ARHGAP8: variants seen among roughly 807,000 people sequenced by gnomAD.
ARHGAP8 encodes the protein Rho GTPase activating protein 8.
In ARHGAP8, 62 loss-of-function variants were observed where a neutral mutation model predicts 46.1. That is an observed-to-expected ratio of 1.34 (90% CI 1.10 to 1.66). ARHGAP8 has a LOEUF of 1.66. Among genes scored for constraint, ARHGAP8 ranks in the 40% most tolerant of loss-of-function variants. The probability of loss-of-function intolerance (pLI) is 0.00; values close to 1 mark genes in which losing one functional copy is unlikely to be tolerated. For synonymous variants in ARHGAP8, 375 were observed against 243.1 expected (o/e 1.54, Z -5.05); for missense variants, 923 against 568.4 (o/e 1.62, Z -6.34).
intron 7 of ARHGAP8, among the ~76,000 whole-genome samples, chr22:44,843,297 A>T (rs1199684172): frequency 6.6e-6 from 1 of 152,228 alleles, no homozygotes; most frequent in Non-Finnish European, 1.5e-5. Flanking sequence ...TTTCAGCAGA[A>T]CTACACTATA....
chr22:44,814,048 T>C (rs1929559737), intron 4 of ARHGAP8, among the ~76,000 whole-genome samples: 1 of 152,156 alleles, frequency 6.6e-6, no homozygotes, highest in South Asian at 2.1e-4. Context: ...AGCCCTGGCA[T>C]GTCCTCTGCC....
intron 1 of ARHGAP8, among the ~76,000 whole-genome samples, chr22:44,779,788 C>T (rs954727200): frequency 2.6e-5 from 4 of 151,960 alleles, no homozygotes; most frequent in African/African-American, 9.7e-5. Flanking sequence ...AGGCTGGTCT[C>T]GAACTCCTGA....
chr22:44,763,419 C>T (rs1300409731), intron 1 of ARHGAP8, among the ~76,000 whole-genome samples: 1 of 147,602 alleles, frequency 6.8e-6, no homozygotes, highest in Non-Finnish European at 1.5e-5. Flanking sequence ...ATCACTTGAA[C>T]CTGGGAGGCA....
At chr22:44,799,973 TTGTGGGGTGGGGCAA>T (rs936130476) in intron 2 of ARHGAP8, among the ~76,000 whole-genome samples, 20 of 104,150 alleles carry the variant, frequency 1.9e-4, no homozygotes, top group African/African-American at 7.7e-4. Flanking sequence ...TTCTGGCCAC[TTGTGGGGTGGGGCAA>T]GGTGGGGTTG....
intron 11 of ARHGAP8, among the ~76,000 whole-genome samples, chr22:44,861,316 C>CCA (rs1162889506): frequency 1.3e-5 from 2 of 152,166 alleles, no homozygotes; most frequent in Non-Finnish European, 2.9e-5. Flanking sequence ...TCTCTAGCCG[C>CCA]CACCTCCATG....
chr22:44,862,149 G>C (rs1185257793), intron 11 of ARHGAP8, 126 bp from the exon 12 acceptor site: 1 of 1,178,642 alleles, frequency 8.5e-7, no homozygotes. Context: ...CCCATTACTG[G>C]CTGCCGGCTC....
chr22:44,795,877 A>C (rs146154697), intron 2 of ARHGAP8, among the ~76,000 whole-genome samples: 28 of 149,960 alleles, frequency 1.9e-4, no homozygotes, highest in African/African-American at 5.4e-4. Flanking sequence ...GTGGCACCGC[A>C]GCCCCACTTG....
Position 44,853,692 on chromosome 22 carries a change from C to G in ARHGAP8, c.877+4632C>G, listed in dbSNP as rs550231433. Reference sequence around the variant, plus strand: ...AACTTTTAATAAGGAATCTCAGATTCACTTTTTAAAAGCCTCTTGAGGCTA... The same window carrying G: ...AACTTTTAATAAGGAATCTCAGATTGACTTTTTAAAAGCCTCTTGAGGCTA... On this transcript the variant is annotated intron_variant, in intron 10 of 11. Transcript: ENST00000356099. Among the ~76,000 whole-genome samples the G allele has an allele frequency of 4.6e-4, 70 of 152,258 alleles. 1 individual carries two copies. The South Asian group carries it at 0.013, about 28-fold the overall frequency.
At chr22:44,811,013 C>A (rs773404974) in intron 4 of ARHGAP8, among the ~76,000 whole-genome samples, 1 of 152,180 alleles carries the variant, frequency 6.6e-6, no homozygotes, top group African/African-American at 2.4e-5. Context: ...CACTTCCCCA[C>A]GTGAGAAACG....
At chr22:44,800,243 G>A (rs1440841634) in intron 2 of ARHGAP8, among the ~76,000 whole-genome samples, 2 of 151,644 alleles carry the variant, frequency 1.3e-5, no homozygotes, top group African/African-American at 2.4e-5. Context: ...AGCTAGGACT[G>A]TAGACATGTG....
chr22:44,782,644 T>G lies in ARHGAP8; in HGVS notation c.-71-3813T>G, dbSNP rs1296530560. On this transcript the variant is annotated intron_variant, in intron 1 of 11. Coordinates refer to ENST00000356099, the MANE Select transcript of ARHGAP8 (RefSeq NM_181335.3). ...TTCACTGAATAGAGCGGTTTCAAGT[T>G]CCTCTATGTTGGGTCATAGGCCAGA... 2.0e-5 allele frequency among the ~76,000 whole-genome samples: 3 copies of G among 152,146 alleles called. No homozygotes were observed. The South Asian group carries it at 6.2e-4, about 32-fold the overall frequency.
rs113218680 is a variant in ARHGAP8, at chr22:44,812,503, T to C, written c.300-2169T>C. ...TCCTGAGTGGCTGGGACTACAGGTGTGCACTACCACGCCCGGCTAATTTTT... is the reference window on the plus strand; with the variant it reads ...TCCTGAGTGGCTGGGACTACAGGTGCGCACTACCACGCCCGGCTAATTTTT... On this transcript the variant is annotated intron_variant, in intron 4 of 11. Transcript: ENST00000356099. Among the ~76,000 whole-genome samples the C allele has an allele frequency of 7.1e-3, 1,086 of 151,908 alleles. 7 individuals are homozygous for C. The highest frequency in any genetic ancestry group is 0.024 in the African/African-American group (976 of 41,422).
intron 1 of ARHGAP8, among the ~76,000 whole-genome samples, chr22:44,772,204 T>C (rs1926064293): frequency 6.7e-6 from 1 of 149,996 alleles, no homozygotes; most frequent in Non-Finnish European, 1.5e-5. Flanking sequence ...TTTATGTTTC[T>C]GTTTTACTAC....
chr22:44,768,166 T>G (rs1220707557), intron 1 of ARHGAP8, among the ~76,000 whole-genome samples: 1 of 151,360 alleles, frequency 6.6e-6, no homozygotes, highest in East Asian at 2.0e-4. Context: ...CCGGCTAATT[T>G]TTGTATTTTT....
chr22:44,786,758 T>A (rs1159811174), intron 2 of ARHGAP8, 152 bp downstream of exon 2: 49 of 1,237,204 alleles, frequency 4.0e-5, no homozygotes, highest in Non-Finnish European at 5.2e-5. Context: ...CTCATACCTT[T>A]AATCCTAGCA....
intron 8 of ARHGAP8, 100 bp downstream of exon 8, chr22:44,845,442 G>A: frequency 6.5e-7 from 1 of 1,536,104 alleles, no homozygotes; most frequent in Non-Finnish European, 8.9e-7. Context: ...GCCAGGGGGT[G>A]TGACCAGGAA....
intron 2 of ARHGAP8, among the ~76,000 whole-genome samples, chr22:44,799,921 CAG>C (rs1928359910): frequency 6.6e-6 from 1 of 151,804 alleles, no homozygotes; most frequent in South Asian, 2.1e-4. Flanking sequence ...GGGCCCTGGG[CAG>C]AGAGAGGAGG....
chr22:44,761,655 G>A lies in ARHGAP8; in HGVS notation c.-72+9028G>A, dbSNP rs867074557. Among the ~76,000 whole-genome samples the A allele has an allele frequency of 2.6e-5, 4 of 152,340 alleles. No homozygotes were observed. In the South Asian group the frequency reaches 8.3e-4, roughly 32 times the overall value. On this transcript the variant is annotated intron_variant, in intron 1 of 11. Transcript: ENST00000356099. ...GAGCTATGAGTAATGGATACAGGGAGCTAAGAGTATATGGAGAGGGGCCTG... is the reference window on the plus strand; with the variant it reads ...GAGCTATGAGTAATGGATACAGGGAACTAAGAGTATATGGAGAGGGGCCTG...
intron 3 of ARHGAP8, among the ~76,000 whole-genome samples, chr22:44,803,679 G>GTGCACACACCCCCTCCCA (rs57146128): frequency 0.42 from 11,700 of 27,788 alleles, 2,399 homozygotes; most frequent in East Asian, 0.53. Flanking sequence ...ACCCCCTCCC[G>GTGCACACACCCCCTCCCA]TGCACACACC....
Sources: gnomAD v4.1 joint callset for allele counts (sites outside exome capture counted in the v4.1 genomes callset) on GRCh38, gnomAD v4.1.1 for gene constraint, MANE v1.5 for transcripts, NCBI Gene and HGNC (gene_info 2026-07-23, HGNC 2026-07-21) for gene names.